Variants in GRID2 observed in about 807,000 individuals in gnomAD.
The protein encoded by GRID2 is glutamate ionotropic receptor delta type subunit 2, also known as glutamate receptor ionotropic, delta-2.
In GRID2, 33 loss-of-function variants were observed where a neutral mutation model predicts 114.8. The ratio of observed to expected loss-of-function variants is 0.29; its 90% CI spans 0.22 to 0.38. The LOEUF (loss-of-function observed/expected upper bound fraction) is 0.38. GRID2 is among the 10% of genes least tolerant of loss of function. GRID2 has a pLI of 1.00. For synonymous variants in GRID2, 505 were observed against 449.9 expected (o/e 1.12, Z -1.55); for missense variants, 1,184 against 1,257.7 (o/e 0.94, Z 0.89).
chr4:93,750,249 G>A (rs1296923856), intron 14 of GRID2, among the ~76,000 whole-genome samples: 1 of 152,152 alleles, frequency 6.6e-6, no homozygotes. Context: ...AACTTCCAAG[G>A]AAAGTTCAAA....
intron 1 of GRID2, among the ~76,000 whole-genome samples, chr4:92,431,061 T>G (rs2110340478): frequency 6.6e-6 from 1 of 152,294 alleles, no homozygotes; most frequent in Admixed American, 6.5e-5. Context: ...CGAGGATAAT[T>G]TAACTAATTC....
At chr4:92,780,803 T>G (rs1739034378) in intron 2 of GRID2, among the ~76,000 whole-genome samples, 1 of 151,490 alleles carries the variant, frequency 6.6e-6, no homozygotes. Context: ...CTAAAGGGAT[T>G]AAAACTTGCT....
intron 1 of GRID2, among the ~76,000 whole-genome samples, chr4:92,342,655 A>G (rs557676593): frequency 2.9e-4 from 44 of 152,216 alleles, no homozygotes; most frequent in Non-Finnish European, 6.0e-4. Flanking sequence ...GTGTTCCTTC[A>G]TAGATTTCTG....
intron 1 of GRID2, among the ~76,000 whole-genome samples, chr4:92,337,047 A>G (rs975003582): frequency 1.5e-5 from 2 of 130,764 alleles, no homozygotes; most frequent in Non-Finnish European, 3.1e-5. Context: ...TTGAAACTTT[A>G]TATAATATGT....
At chr4:92,584,495 G>C (rs1030491243) in intron 1 of GRID2, among the ~76,000 whole-genome samples, 3 of 151,842 alleles carry the variant, frequency 2.0e-5, no homozygotes, top group African/African-American at 7.2e-5. Context: ...AACTCCCCAA[G>C]GCAGAAGGTT....
intron 2 of GRID2, among the ~76,000 whole-genome samples, chr4:92,662,663 G>T (rs939136191): frequency 1.3e-5 from 2 of 151,106 alleles, no homozygotes; most frequent in African/African-American, 4.8e-5. Flanking sequence ...AGGCAGCATG[G>T]CATGAAACAG....
At chr4:93,394,276 T>C (rs1014276415) in intron 8 of GRID2, among the ~76,000 whole-genome samples, 6 of 152,112 alleles carry the variant, frequency 3.9e-5, no homozygotes, top group Admixed American at 3.3e-4. Context: ...TAACTAAGAA[T>C]GACATATCAT....
rs575808346 is a variant in GRID2, at chr4:92,487,102, T to C, written c.89-103029T>C. Among the ~76,000 whole-genome samples the C allele has an allele frequency of 2.6e-5, 4 of 152,180 alleles. No homozygotes were observed. The East Asian group carries it at 5.8e-4, about 22-fold the overall frequency. Reference sequence around the variant, plus strand: ...TATCTGGTTACAGGTATACTATTTTTGCTGATCTTTCCAAATAACTTTATT... The same window carrying C: ...TATCTGGTTACAGGTATACTATTTTCGCTGATCTTTCCAAATAACTTTATT... On this transcript the variant is annotated intron_variant, in intron 1 of 15. Transcript: ENST00000282020.
intron 1 of GRID2, among the ~76,000 whole-genome samples, chr4:92,370,560 A>G (rs1253711280): frequency 6.6e-6 from 1 of 152,156 alleles, no homozygotes; most frequent in Non-Finnish European, 1.5e-5. Flanking sequence ...CTGAGGCAGA[A>G]GAATTGCTTG....
chr4:92,770,057 T>G (rs1455269873), intron 2 of GRID2, among the ~76,000 whole-genome samples: 1 of 152,210 alleles, frequency 6.6e-6, no homozygotes, highest in Non-Finnish European at 1.5e-5. Context: ...GCTAATCTTA[T>G]AAAACTGAAT....
intron 2 of GRID2, among the ~76,000 whole-genome samples, chr4:92,622,238 C>A (rs186616017): frequency 6.6e-6 from 1 of 151,728 alleles, no homozygotes; most frequent in East Asian, 1.9e-4. Flanking sequence ...TTCATATTTT[C>A]CTGTAATATT....
intron 14 of GRID2, among the ~76,000 whole-genome samples, chr4:93,746,661 G>A (rs761318893): frequency 3.9e-5 from 6 of 152,024 alleles, no homozygotes; most frequent in Admixed American, 6.6e-5. Context: ...TTTGGTAGTC[G>A]TATTTTTATG....
At chr4:93,215,360 A>G (rs1311994380) in intron 5 of GRID2, among the ~76,000 whole-genome samples, 1 of 152,086 alleles carries the variant, frequency 6.6e-6, no homozygotes, top group Non-Finnish European at 1.5e-5. Flanking sequence ...TTGAATAGCA[A>G]TATTAATATT....
chr4:93,204,463 C>A (rs924220303), intron 4 of GRID2, among the ~76,000 whole-genome samples: 1 of 152,066 alleles, frequency 6.6e-6, no homozygotes, highest in Non-Finnish European at 1.5e-5. Context: ...CAAATTTATA[C>A]TGCTAAAATA....
intron 13 of GRID2, among the ~76,000 whole-genome samples, chr4:93,604,482 ATTG>A (rs1740002930): frequency 6.6e-6 from 1 of 152,226 alleles, no homozygotes; most frequent in South Asian, 2.1e-4. Flanking sequence ...TGTTATAAAC[ATTG>A]TTAACATAAC....
At chr4:93,750,091 C>T (rs974586063) in intron 14 of GRID2, among the ~76,000 whole-genome samples, 6 of 152,142 alleles carry the variant, frequency 3.9e-5, no homozygotes, top group Admixed American at 6.5e-5. Context: ...ATTGATCGAA[C>T]GCATCCTCTG....
At chr4:92,339,913 C>T (rs919073147) in intron 1 of GRID2, among the ~76,000 whole-genome samples, 2 of 152,126 alleles carry the variant, frequency 1.3e-5, no homozygotes, top group African/African-American at 2.4e-5. Flanking sequence ...GAATGCAAAT[C>T]ACAAAGCTCG....
chr4:92,917,804 T>C (rs1748936057), intron 2 of GRID2, among the ~76,000 whole-genome samples: 2 of 152,180 alleles, frequency 1.3e-5, no homozygotes, highest in African/African-American at 4.8e-5. Context: ...GCTTTGTTCT[T>C]TTGGCTTAGG....
chr4:93,579,641 A>G (rs183820090), intron 13 of GRID2, among the ~76,000 whole-genome samples: 2 of 152,250 alleles, frequency 1.3e-5, no homozygotes, highest in East Asian at 3.9e-4. Flanking sequence ...CAATTAAAGT[A>G]TGTTAATTTT....
Sources: allele counts gnomAD v4.1 joint callset (sites outside exome capture counted in the v4.1 genomes callset), GRCh38; gene constraint gnomAD v4.1.1; transcripts MANE v1.5; gene names NCBI Gene and HGNC (gene_info 2026-07-23, HGNC 2026-07-21).